Variants in CACNA1C observed in about 807,000 individuals in gnomAD.
The protein encoded by CACNA1C is voltage-dependent L-type calcium channel subunit alpha-1C.
Under a neutral mutation model 229.0 loss-of-function variants are expected in CACNA1C, and 30 were observed. That is an observed-to-expected ratio of 0.13 (90% CI 0.10 to 0.18). The LOEUF is 0.18. Among genes scored for constraint, CACNA1C ranks in the 10% least tolerant of loss-of-function variants. CACNA1C has a pLI of 1.00. For synonymous variants in CACNA1C, 1,114 were observed against 1,132.5 expected (o/e 0.98, Z 0.33); for missense variants, 1,658 against 2,845.0 (o/e 0.58, Z 9.49).
chr12:2,052,648 T>G (rs1295561977), upstream of CACNA1C, among the ~76,000 whole-genome samples: 1 of 143,374 alleles, frequency 7.0e-6, no homozygotes, highest in East Asian at 2.1e-4. Context: ...GGCGCCCGGG[T>G]GCGCCGCGCG....
chr12:2,083,943 A>G (rs531163552), intron 1 of CACNA1C, among the ~76,000 whole-genome samples: 1 of 152,338 alleles, frequency 6.6e-6, no homozygotes, highest in African/African-American at 2.4e-5. Flanking sequence ...ATCATGACTA[A>G]TGTTTCCTCT....
At chr12:2,634,692 T>C (rs1367198983) in intron 30 of CACNA1C, among the ~76,000 whole-genome samples, 1 of 152,080 alleles carries the variant, frequency 6.6e-6, no homozygotes. Context: ...CTCTGGGAGC[T>C]GTGGAGTGAG....
chr12:2,597,110 G>A lies in CACNA1C; in HGVS notation c.2794-120G>A. 4.3e-6 allele frequency: 3 copies of A among 698,726 alleles called. No homozygotes were observed. The Admixed American group carries it at 6.7e-5, about 16-fold the overall frequency. 43.3% of individuals were successfully genotyped at this position (698,726 alleles called of 1,614,324 possible). A position where few individuals can be genotyped will look rare whatever the true frequency, so the allele number is the denominator to read the frequency against. ...TGTGTCCCTGTGCAAAGGCTTAAGTGCCAGGCATCTCATTTTGAAGTGTGG... is the reference window on the plus strand; with the variant it reads ...TGTGTCCCTGTGCAAAGGCTTAAGTACCAGGCATCTCATTTTGAAGTGTGG... On this transcript the variant is annotated intron_variant, in intron 20 of 46. Transcript: ENST00000399655. The surrounding 1 kb of genome is among the most constrained non-coding windows in gnomAD (Gnocchi z 4.3).
At chr12:2,624,288 A>T (rs915798860) in intron 29 of CACNA1C, among the ~76,000 whole-genome samples, 1 of 152,168 alleles carries the variant, frequency 6.6e-6, no homozygotes, top group African/African-American at 2.4e-5. Context: ...AGGATGCTGA[A>T]AGTCCCACAA....
chr12:2,035,385 A>G (rs962167823), intron 1 of CACNA1C, among the ~76,000 whole-genome samples: 1 of 152,230 alleles, frequency 6.6e-6, no homozygotes, highest in South Asian at 2.1e-4. Flanking sequence ...TTCTGTCTGC[A>G]AGAGGGGCAG....
At chr12:2,628,882 T>A (rs1274081414) in intron 29 of CACNA1C, among the ~76,000 whole-genome samples, 2 of 152,144 alleles carry the variant, frequency 1.3e-5, no homozygotes, top group Admixed American at 6.5e-5. Flanking sequence ...ACATTTTTTT[T>A]AAAGGTAGAA....
At chr12:2,238,117 G>A (rs2068213545) in intron 3 of CACNA1C, among the ~76,000 whole-genome samples, 1 of 152,172 alleles carries the variant, frequency 6.6e-6, no homozygotes, top group African/African-American at 2.4e-5. Flanking sequence ...ACAGAATCAG[G>A]TTTGGGAGCA....
chr12:2,320,319 C>T (rs1260434878), intron 3 of CACNA1C, among the ~76,000 whole-genome samples: 1 of 152,208 alleles, frequency 6.6e-6, no homozygotes, highest in Non-Finnish European at 1.5e-5. Flanking sequence ...GCCTCTTGGC[C>T]TTGCTTTTGT....
At chr12:2,542,488 G>A (rs1379070961) in intron 9 of CACNA1C, among the ~76,000 whole-genome samples, 1 of 152,140 alleles carries the variant, frequency 6.6e-6, no homozygotes, top group African/African-American at 2.4e-5. Context: ...AGCCTGGCCC[G>A]CTGATCAGTG....
At chr12:2,239,690 G>A (rs1337554007) in intron 3 of CACNA1C, among the ~76,000 whole-genome samples, 1 of 152,210 alleles carries the variant, frequency 6.6e-6, no homozygotes, top group Non-Finnish European at 1.5e-5. Flanking sequence ...TACCAGGGCA[G>A]GTTTTCAGGA....
rs1449227082 is a variant in CACNA1C at position 2,602,684 on chromosome 12, A to G, written c.2960+724A>G. Among the ~76,000 whole-genome samples the G allele has an allele frequency of 1.4e-5, 2 of 145,896 alleles. No individual in the cohort carries two copies. The highest frequency in any genetic ancestry group is 4.0e-4 in the East Asian group (2 of 4,968). On this transcript the variant is annotated intron_variant, in intron 22 of 46. Coordinates refer to ENST00000399655, the MANE Select transcript of CACNA1C (RefSeq NM_000719.7). The surrounding 1 kb of genome is among the most constrained non-coding windows in gnomAD (Gnocchi z 4.4). ...TGTGTGTGTGTGAGTTTTTCATTTC[A>G]CTGGTCTGGGGTACAGTCTGGGTGT...
At chr12:2,238,895 C>A (rs1264643636) in intron 3 of CACNA1C, among the ~76,000 whole-genome samples, 1 of 152,194 alleles carries the variant, frequency 6.6e-6, no homozygotes, top group South Asian at 2.1e-4. Context: ...TTCATTTTGA[C>A]TGGCTTCACT....
intron 3 of CACNA1C, among the ~76,000 whole-genome samples, chr12:2,197,121 G>A (rs1045417596): frequency 6.6e-6 from 1 of 152,162 alleles, no homozygotes; most frequent in Admixed American, 6.5e-5. Flanking sequence ...GTGCTGTGCT[G>A]TGCTTTTGAG....
At chr12:2,186,837 C>G (rs989172397) in intron 3 of CACNA1C, among the ~76,000 whole-genome samples, 1 of 152,224 alleles carries the variant, frequency 6.6e-6, no homozygotes, top group Admixed American at 6.5e-5. Context: ...GGTTACATGA[C>G]TAAAAGAGCA....
intron 1 of CACNA1C, among the ~76,000 whole-genome samples, chr12:1,989,728 G>C (rs2038867878): frequency 6.6e-6 from 1 of 152,132 alleles, no homozygotes; most frequent in Non-Finnish European, 1.5e-5. Flanking sequence ...GAAAAAGCAA[G>C]AAAAGAAAGG....
chr12:2,009,355 C>A (rs1447266791), intron 1 of CACNA1C, among the ~76,000 whole-genome samples: 1 of 152,148 alleles, frequency 6.6e-6, no homozygotes, highest in Non-Finnish European at 1.5e-5. Context: ...TGTTTAGATT[C>A]TTTGAAAATC....
At chr12:2,266,819 C>A (rs961776322) in intron 3 of CACNA1C, among the ~76,000 whole-genome samples, 1 of 152,150 alleles carries the variant, frequency 6.6e-6, no homozygotes, top group Non-Finnish European at 1.5e-5. Context: ...CTGGGCAGGC[C>A]TGGGTGTGAA....
intron 3 of CACNA1C, among the ~76,000 whole-genome samples, chr12:2,364,713 G>C (rs186287116): frequency 6.6e-6 from 1 of 152,146 alleles, no homozygotes; most frequent in Non-Finnish European, 1.5e-5. Context: ...GTTAGTTGGG[G>C]TGAGGAAATC....
At position 2,008,721 on chromosome 12, in the gene CACNA1C, T is replaced by C. The variant is rs1057151213; in HGVS notation, c.139+37520T>C. 3.5e-4 allele frequency among the ~76,000 whole-genome samples: 53 copies of C among 152,230 alleles called. 1 individual carries two copies. Among genetic ancestry groups the C allele is most frequent in the African/African-American group, 1.3e-3 (53 of 41,464 alleles). Reference sequence around the variant, plus strand: ...AAAAACATGGAAAGGTTTTTGGTTTTTTAACTTTCAAACAAAAAACTCTTG... The same window carrying C: ...AAAAACATGGAAAGGTTTTTGGTTTCTTAACTTTCAAACAAAAAACTCTTG... On this transcript the variant is annotated intron_variant, in intron 1 of 46. Transcript: ENST00000682462.
Sources: allele counts gnomAD v4.1 joint callset (sites outside exome capture counted in the v4.1 genomes callset), GRCh38; gene constraint gnomAD v4.1.1; non-coding constraint Gnocchi (gnomAD v3.1); transcripts MANE v1.5; gene names NCBI Gene and HGNC (gene_info 2026-07-23, HGNC 2026-07-21).